Variants in TIAM1 observed in about 807,000 individuals in gnomAD.
TIAM1 encodes rho guanine nucleotide exchange factor TIAM1.
In TIAM1, 65 loss-of-function variants were observed where a neutral mutation model predicts 163.5. The ratio of observed to expected loss-of-function variants is 0.40; its 90% confidence interval spans 0.33 to 0.49. The LOEUF (loss-of-function observed/expected upper bound fraction) is 0.49, where lower values mean the gene tolerates loss of function less well. Among genes scored for constraint, TIAM1 ranks in the 20% least tolerant of loss-of-function variants. TIAM1 has a pLI of 0.77. For missense variants in TIAM1, 1,789 were observed against 2,044.7 expected, an observed-to-expected ratio of 0.87 and a Z score of 2.41; for synonymous variants, 833 against 810.1, an observed-to-expected ratio of 1.03 and a Z score of -0.48.
intron 16 of TIAM1, among the ~76,000 whole-genome samples, chr21:31,163,864 G>A (rs191624629): frequency 1.6e-4 from 25 of 151,732 alleles, no homozygotes; most frequent in Non-Finnish European, 5.9e-5. Context: ...ACTAGTAAGC[G>A]TCAAGCAAAA....
rs1439471209 is a variant in TIAM1, at chr21:31,119,370, A to C, written c.*998T>G. On this transcript the variant is annotated 3_prime_UTR_variant, in exon 28 of 28. Transcript: ENST00000541036. Reference sequence around the variant, plus strand: ...TCACCATGGCAACCCCATGAGAAGGAGGCTCCCCTCCCTGCCATGTGCAAC... The same window carrying C: ...TCACCATGGCAACCCCATGAGAAGGCGGCTCCCCTCCCTGCCATGTGCAAC... The C allele has an allele frequency of 2.0e-5, 3 of 152,580 alleles. No homozygotes were observed. The East Asian group carries it at 5.8e-4, about 29-fold the overall frequency. The allele number at this position is 152,580 out of a possible 1,614,324, so 9.5% of individuals were successfully genotyped here. A position where few individuals can be genotyped will look rare whatever the true frequency, so the allele number is the denominator to read the frequency against.
intron 2 of TIAM1, among the ~76,000 whole-genome samples, chr21:31,461,015 G>A (rs980751325): frequency 1.3e-5 from 2 of 152,044 alleles, no homozygotes; most frequent in African/African-American, 4.8e-5. Flanking sequence ...ATTCCATTTA[G>A]GGGGAAAAAA....
intron 2 of TIAM1, among the ~76,000 whole-genome samples, chr21:31,301,510 G>A (rs956223706): frequency 6.6e-6 from 1 of 152,112 alleles, no homozygotes; most frequent in South Asian, 2.1e-4. Context: ...TGCTATCTAG[G>A]TGGGATTTTG....
chr21:31,333,660 G>C (rs547562229), intron 2 of TIAM1, among the ~76,000 whole-genome samples: 13 of 152,078 alleles, frequency 8.5e-5, no homozygotes, highest in Admixed American at 2.0e-4. Context: ...GGCTGGTCTC[G>C]AATCTCTAGG....
At chr21:31,476,605 A>G (rs1343952914) in intron 1 of TIAM1, among the ~76,000 whole-genome samples, 1 of 152,154 alleles carries the variant, frequency 6.6e-6, no homozygotes, top group African/African-American at 2.4e-5. Context: ...TTCCGTGGGG[A>G]TGAGTGTCCA....
intron 1 of TIAM1, among the ~76,000 whole-genome samples, chr21:31,516,599 G>A (rs1295110561): frequency 6.6e-6 from 1 of 150,578 alleles, no homozygotes; most frequent in African/African-American, 2.4e-5. Flanking sequence ...TGCCTCATTA[G>A]AGCCACTGAT....
chr21:31,430,243 T>A (rs1179695133), intron 2 of TIAM1, among the ~76,000 whole-genome samples: 40 of 131,154 alleles, frequency 3.0e-4, no homozygotes, highest in African/African-American at 1.3e-3. Context: ...TATATATATA[T>A]ATATACACAC....
At position 31,165,332 on chromosome 21, in the gene TIAM1, G is replaced by T. The variant is rs142371494; in HGVS notation, c.2888-267C>A. Among the ~76,000 whole-genome samples the T allele has an allele frequency of 3.9e-5, 6 of 152,278 alleles. No individual in the cohort carries two copies. In the East Asian group the frequency reaches 9.6e-4, roughly 24 times the overall value. ...TGTCTCCCCCCATACAAATTCTTAT[G>T]TTGAAGACCTACCCCTCAATGTAAT... On this transcript the variant is annotated intron_variant, in intron 15 of 27. Transcript: ENST00000541036.
intron 10 of TIAM1, among the ~76,000 whole-genome samples, chr21:31,211,583 G>A (rs887362353): frequency 6.6e-6 from 1 of 152,146 alleles, no homozygotes; most frequent in African/African-American, 2.4e-5. Flanking sequence ...CCAAGAATGG[G>A]GGAAACGTTT....
chr21:31,121,415 C>T (rs1001657054), intron 27 of TIAM1, among the ~76,000 whole-genome samples: 5 of 152,180 alleles, frequency 3.3e-5, no homozygotes, highest in African/African-American at 4.8e-5. Flanking sequence ...TTTCTGGGAA[C>T]TGGAACATAA....
At chr21:31,385,495 C>A (rs2076850244) in intron 2 of TIAM1, among the ~76,000 whole-genome samples, 1 of 151,962 alleles carries the variant, frequency 6.6e-6, no homozygotes, top group Non-Finnish European at 1.5e-5. Context: ...CTGAGAGTCA[C>A]CCAGTGTCTG....
intron 2 of TIAM1, among the ~76,000 whole-genome samples, chr21:31,458,003 T>C (rs1352599674): frequency 1.3e-5 from 2 of 152,186 alleles, no homozygotes; most frequent in African/African-American, 4.8e-5. Context: ...GTCCCCTTGT[T>C]ACCCAACTAA....
At chr21:31,283,351 T>C (rs2073653400) in intron 2 of TIAM1, among the ~76,000 whole-genome samples, 1 of 152,194 alleles carries the variant, frequency 6.6e-6, no homozygotes, top group Non-Finnish European at 1.5e-5. Context: ...CTGTGTTACA[T>C]GGCCAGTGTC....
At chr21:31,198,948 A>T (rs1354181710) in intron 12 of TIAM1, among the ~76,000 whole-genome samples, 1 of 152,212 alleles carries the variant, frequency 6.6e-6, no homozygotes, top group Admixed American at 6.5e-5. Context: ...TTTGTACTTT[A>T]AAATATATTT....
intron 23 of TIAM1, among the ~76,000 whole-genome samples, chr21:31,132,763 T>C (rs1008878381): frequency 2.0e-5 from 3 of 152,174 alleles, no homozygotes; most frequent in African/African-American, 7.2e-5. Flanking sequence ...CTCCACAGTG[T>C]TGCCCGATCC....
chr21:31,129,334 T>G (rs2082322881), intron 25 of TIAM1, among the ~76,000 whole-genome samples: 2 of 152,222 alleles, frequency 1.3e-5, no homozygotes, highest in African/African-American at 4.8e-5. Flanking sequence ...TGAAGTATAC[T>G]TATAGCTACC....
intron 2 of TIAM1, among the ~76,000 whole-genome samples, chr21:31,430,718 G>A (rs2147278445): frequency 6.6e-6 from 1 of 152,144 alleles, no homozygotes; most frequent in African/African-American, 2.4e-5. Flanking sequence ...CTAAGAATTA[G>A]GTTCTAAATT....
chr21:31,168,998 A>G (rs889009916), intron 15 of TIAM1, among the ~76,000 whole-genome samples: 1 of 152,192 alleles, frequency 6.6e-6, no homozygotes, highest in Non-Finnish European at 1.5e-5. Flanking sequence ...TATTTTTTTA[A>G]AAGAAGAAAG....
intron 15 of TIAM1, among the ~76,000 whole-genome samples, chr21:31,165,947 C>T (rs529406302): frequency 2.0e-5 from 3 of 152,334 alleles, no homozygotes; most frequent in Admixed American, 6.5e-5. Flanking sequence ...TCTTCCTTTG[C>T]TATTTACTGA....
Sources: allele counts gnomAD v4.1 joint callset (sites outside exome capture counted in the v4.1 genomes callset), GRCh38; gene constraint gnomAD v4.1.1; transcripts MANE v1.5; gene names NCBI Gene and HGNC (gene_info 2026-07-23, HGNC 2026-07-21).